AMPH: variants seen among roughly 807,000 people sequenced by gnomAD.
AMPH encodes the protein amphiphysin, also known as amphiphysin (Stiff-Mann syndrome with breast cancer 128kD autoantigen).
AMPH carries 49 observed loss-of-function variants against 99.1 expected under a neutral mutation model. That is an observed-to-expected ratio of 0.49 (90% CI 0.39 to 0.63). The LOEUF (loss-of-function observed/expected upper bound fraction) is 0.63, where lower values mean the gene tolerates loss of function less well. Among genes scored for constraint, AMPH ranks in the 20% least tolerant of loss-of-function variants. AMPH has a pLI of 0.00. For synonymous variants in AMPH, 314 were observed against 317.3 expected (o/e 0.99, Z 0.11); for missense variants, 759 against 863.4 (o/e 0.88, Z 1.52).
At chr7:38,585,354 A>G (rs993468407) in intron 1 of AMPH, among the ~76,000 whole-genome samples, 2 of 152,138 alleles carry the variant, frequency 1.3e-5, no homozygotes, top group African/African-American at 2.4e-5. Flanking sequence ...TTGGCAGGAC[A>G]TACAGTAGGG....
intron 3 of AMPH, among the ~76,000 whole-genome samples, chr7:38,495,599 G>A (rs2129022529): frequency 1.0e-5 from 1 of 100,238 alleles, no homozygotes; most frequent in East Asian, 2.0e-4. Context: ...CCCTGGCTGA[G>A]ATTTTTTTTT....
At chr7:38,422,368 A>G (rs942164952) in intron 16 of AMPH, 53 bp downstream of exon 16, 24 of 1,425,364 alleles carry the variant, frequency 1.7e-5, no homozygotes, top group Non-Finnish European at 2.2e-5. Context: ...CAGCTTTAGA[A>G]CATTCAGTGA....
intron 18 of AMPH, 85 bp downstream of exon 18, chr7:38,393,920 G>A: frequency 3.1e-6 from 4 of 1,300,404 alleles, no homozygotes; most frequent in Non-Finnish European, 4.4e-6. Context: ...TACATCCAAA[G>A]AGTTATCACC....
Position 38,494,518 on chromosome 7 carries a change from T to C in AMPH, c.215A>G (p.Glu72Gly). The C allele has an allele frequency of 1.2e-6, 2 of 1,613,620 alleles. No homozygotes were observed. The highest frequency in any genetic ancestry group is 1.7e-6 in the Non-Finnish European group (2 of 1,179,622). Residue 72 changes from glutamate (E) to glycine (G), a missense_variant, in exon 4 of 21, where the codon GAG (glutamate) becomes GGG (glycine). Coordinates refer to ENST00000356264, the MANE Select transcript of AMPH (RefSeq NM_001635.4). ...CGACTCTGTGAGCTTCATGGAGGCC[T>C]CCTGCATGCCTAGTGTTGGAGAGAA... Reference protein sequence around the residue: ...GYLAAIKGMQEASMKLTESLH... With the variant: ...GYLAAIKGMQGASMKLTESLH...
chr7:38,434,524 G>A lies in AMPH; in HGVS notation c.1134+1748C>T, dbSNP rs560387493. On this transcript the variant is annotated intron_variant, in intron 12 of 20. Transcript: ENST00000356264. ...GGAGGCCGAGGTGGGCAGATCACGC[G>A]GTCAGGAGATCGAGACCATCCTGGC... 4.6e-3 allele frequency among the ~76,000 whole-genome samples: 696 copies of A among 152,176 alleles called. 5 individuals are homozygous for A. Among genetic ancestry groups the A allele is most frequent in the Non-Finnish European group, 7.4e-3 (505 of 67,984 alleles).
chr7:38,595,594 CA>C (rs1793023466), intron 1 of AMPH, among the ~76,000 whole-genome samples: 1 of 152,100 alleles, frequency 6.6e-6, no homozygotes, highest in Non-Finnish European at 1.5e-5. Flanking sequence ...ATTTTAGATT[CA>C]GGGGTTACAT....
At chr7:38,490,202 C>T (rs1788668821) in intron 5 of AMPH, among the ~76,000 whole-genome samples, 1 of 152,072 alleles carries the variant, frequency 6.6e-6, no homozygotes, top group Non-Finnish European at 1.5e-5. Flanking sequence ...ATTTTTAAAA[C>T]CCAATTCACA....
At chr7:38,522,365 ATTGAT>A (rs1382695580) in intron 2 of AMPH, among the ~76,000 whole-genome samples, 1 of 152,168 alleles carries the variant, frequency 6.6e-6, no homozygotes, top group East Asian at 1.9e-4. Flanking sequence ...TTCTATTGAC[ATTGAT>A]TTATTTTACA....
chr7:38,440,390 C>T (rs1317348019), intron 11 of AMPH, among the ~76,000 whole-genome samples: 4 of 152,106 alleles, frequency 2.6e-5, no homozygotes, highest in African/African-American at 7.2e-5. Flanking sequence ...ATACATCACC[C>T]TCATATACAC....
In AMPH at chr7:38,389,800, T is replaced by G. The variant is rs765991040; in HGVS notation, c.1980+4A>C. The G allele has an allele frequency of 1.9e-5, 31 of 1,610,904 alleles. No individual in the cohort carries two copies. The highest frequency in any genetic ancestry group is 2.5e-5 in the Non-Finnish European group (30 of 1,177,400). On this transcript the variant is annotated splice_donor_region_variant and intron_variant, in intron 20 of 20. Coordinates refer to ENST00000356264, the MANE Select transcript of AMPH (RefSeq NM_001635.4). ...CCAAAGCATCTTCCTATCTTTTCTT[T>G]TACCTGATCAGCTTCTGAATCTGAG...
chr7:38,458,622 C>T (rs1787321384), intron 11 of AMPH, among the ~76,000 whole-genome samples: 1 of 152,068 alleles, frequency 6.6e-6, no homozygotes, highest in African/African-American at 2.4e-5. Context: ...ATGATTATCT[C>T]AATAGATTGA....
intron 17 of AMPH, among the ~76,000 whole-genome samples, chr7:38,396,032 C>T (rs2128976994): frequency 6.6e-6 from 1 of 152,330 alleles, no homozygotes; most frequent in African/African-American, 2.4e-5. Flanking sequence ...AGTATTTACT[C>T]ATATTCTTAG....
At chr7:38,554,393 T>G (rs1441894538) in intron 1 of AMPH, among the ~76,000 whole-genome samples, 1 of 142,000 alleles carries the variant, frequency 7.0e-6, no homozygotes, top group Non-Finnish European at 1.6e-5. Flanking sequence ...ACAATGTGAT[T>G]TAGCCTTTCT....
chr7:38,394,321 T>A, intron 17 of AMPH, 107 bp from the exon 18 acceptor site: 1 of 1,189,896 alleles, frequency 8.4e-7, no homozygotes, highest in Non-Finnish European at 1.2e-6. Flanking sequence ...TATTCAGATT[T>A]GGAACATTCT....
intron 1 of AMPH, among the ~76,000 whole-genome samples, chr7:38,613,653 C>A (rs1327546975): frequency 6.6e-6 from 1 of 152,076 alleles, no homozygotes; most frequent in African/African-American, 2.4e-5. Context: ...ACAGTAGGTG[C>A]AAAATTCAAT....
chr7:38,578,922 T>C (rs1185818089), intron 1 of AMPH, among the ~76,000 whole-genome samples: 5 of 152,248 alleles, frequency 3.3e-5, no homozygotes, highest in African/African-American at 1.2e-4. Context: ...CTAGATTCTT[T>C]TATTTACTTC....
intron 18 of AMPH, among the ~76,000 whole-genome samples, chr7:38,392,452 T>C (rs1252387035): frequency 3.0e-5 from 4 of 133,490 alleles, no homozygotes; most frequent in African/African-American, 1.1e-4. Context: ...AATGACGCGA[T>C]CTCAGCCCAC....
chr7:38,461,197 AC>A lies in AMPH; in HGVS notation c.1017+85del, dbSNP rs1787426772. 6.7e-6 allele frequency: 10 copies of A among 1,501,040 alleles called. No homozygotes were observed. In the East Asian group the frequency reaches 2.3e-4, roughly 34 times the overall value. The allele number at this position is 1,501,040 out of a possible 1,614,324, so 93.0% of individuals were successfully genotyped here. A position where few individuals can be genotyped will look rare whatever the true frequency, so the allele number is the denominator to read the frequency against. Reference sequence around the variant, plus strand: ...TTAAAATTATGTTGTTGGTTCTGGAACCGCCACTTTCTTTAGGGCTAGCCCC... The same window carrying A: ...TTAAAATTATGTTGTTGGTTCTGGAACGCCACTTTCTTTAGGGCTAGCCCC... On this transcript the variant is annotated intron_variant, in intron 11 of 20. Transcript: ENST00000356264.
intron 1 of AMPH, among the ~76,000 whole-genome samples, chr7:38,537,987 A>G (rs1790677978): frequency 6.6e-6 from 1 of 152,236 alleles, no homozygotes; most frequent in Non-Finnish European, 1.5e-5. Context: ...ATCAGAGTAA[A>G]GAAGGATCAA....
Sources: allele counts gnomAD v4.1 joint callset (sites outside exome capture counted in the v4.1 genomes callset), GRCh38; gene constraint gnomAD v4.1.1; transcripts MANE v1.5; gene names NCBI Gene and HGNC (gene_info 2026-07-23, HGNC 2026-07-21).